Variants in TTC7B observed in about 807,000 individuals in gnomAD.
The protein encoded by TTC7B is tetratricopeptide repeat domain 7B.
A neutral mutation model predicts 106.8 loss-of-function variants in TTC7B; 28 were observed. The observed-to-expected ratio is 0.26, with a 90% CI of 0.19 to 0.36. The LOEUF (loss-of-function observed/expected upper bound fraction) is 0.36. TTC7B is among the 10% of genes least tolerant of loss of function. The pLI, the probability that TTC7B is intolerant of heterozygous loss-of-function variation, is 1.00. For missense variants in TTC7B, 862 were observed against 1,076.4 expected, an observed-to-expected ratio of 0.80 and a Z score of 2.79; for synonymous variants, 405 against 430.6, an observed-to-expected ratio of 0.94 and a Z score of 0.74.
In TTC7B at chr14:90,541,307, G is replaced by T; in HGVS notation, c.*61C>A. 1 of 1,459,732 alleles carries T rather than the reference G, an allele frequency of 6.9e-7. No homozygotes were observed. The highest frequency in any genetic ancestry group is 9.3e-7 in the Non-Finnish European group (1 of 1,076,928). The allele number at this position is 1,459,732 out of a possible 1,614,324, so 90.4% of individuals were successfully genotyped here. A position where few individuals can be genotyped will look rare whatever the true frequency, so the allele number is the denominator to read the frequency against. ...TCATCCCCTTGGGGCGATGGCACAAGCCCTGGTGCCCGGCAGGGCCTCTGA... is the reference window on the plus strand; with the variant it reads ...TCATCCCCTTGGGGCGATGGCACAATCCCTGGTGCCCGGCAGGGCCTCTGA... On this transcript the variant is annotated 3_prime_UTR_variant, in exon 20 of 20. Transcript: ENST00000328459.
intron 19 of TTC7B, among the ~76,000 whole-genome samples, chr14:90,542,271 T>C (rs974562291): frequency 1.1e-4 from 17 of 151,932 alleles, no homozygotes; most frequent in African/African-American, 1.9e-4. Context: ...AAAGAAACCA[T>C]TGGTGGAATT....
At chr14:90,788,249 C>T (rs1247348916) in intron 1 of TTC7B, among the ~76,000 whole-genome samples, 3 of 152,168 alleles carry the variant, frequency 2.0e-5, no homozygotes, top group East Asian at 1.9e-4. Context: ...CACTGGGGTA[C>T]AAAGTGCGAC....
At chr14:90,693,717 G>A (rs139867932) in intron 6 of TTC7B, among the ~76,000 whole-genome samples, 43 of 152,326 alleles carry the variant, frequency 2.8e-4, no homozygotes, top group Non-Finnish European at 6.2e-4. Context: ...AACAACTGTT[G>A]TTGAGGGTGT....
intron 9 of TTC7B, among the ~76,000 whole-genome samples, chr14:90,673,176 T>C (rs917303123): frequency 1.3e-5 from 2 of 152,176 alleles, no homozygotes; most frequent in Non-Finnish European, 2.9e-5. Flanking sequence ...CAATAAAATG[T>C]GCAAGATACT....
At chr14:90,565,893 A>C (rs1396081642) in intron 19 of TTC7B, among the ~76,000 whole-genome samples, 1 of 152,198 alleles carries the variant, frequency 6.6e-6, no homozygotes, top group African/African-American at 2.4e-5. Context: ...CACATTTATT[A>C]AGTTTGCTGT....
intron 3 of TTC7B, among the ~76,000 whole-genome samples, chr14:90,776,604 C>G (rs1030908879): frequency 6.6e-6 from 1 of 152,136 alleles, no homozygotes; most frequent in African/African-American, 2.4e-5. Flanking sequence ...AAAGGTGAGG[C>G]ATTAAGGTAG....
At position 90,624,953 on chromosome 14, in the gene TTC7B, G is replaced by A. The variant is rs994018373; in HGVS notation, c.1752-6908C>T. Among the ~76,000 whole-genome samples the A allele has an allele frequency of 2.0e-5, 3 of 152,222 alleles. No homozygotes were observed. The highest frequency in any genetic ancestry group is 4.4e-5 in the Non-Finnish European group (3 of 68,038). ...GCAAAATGGCTGTGCAGAAAAGCAT[G>A]CGGGATCTGCCCAAGCGGGGCAGCG... is the stretch of plus-strand genomic sequence containing the variant. On this transcript the variant is annotated intron_variant, in intron 15 of 19. Coordinates refer to ENST00000328459, the MANE Select transcript of TTC7B (RefSeq NM_001010854.2). The surrounding 1 kb of genome is among the most constrained non-coding windows in gnomAD (Gnocchi z 4.0).
Position 90,788,845 on chromosome 14 carries a change from C to A in TTC7B, c.122-2517G>T, listed in dbSNP as rs189099474. On this transcript the variant is annotated intron_variant, in intron 1 of 19. Coordinates refer to ENST00000328459, the MANE Select transcript of TTC7B (RefSeq NM_001010854.2). ...GTGCATGGTGGTGTGCACCTGTAAT[C>A]CCAGCTACTTGGCAGGCTGAGGCAG... Among the ~76,000 whole-genome samples the A allele has an allele frequency of 5.9e-5, 9 of 152,048 alleles. No individual in the cohort carries two copies. In the East Asian group the frequency reaches 1.8e-3, roughly 30 times the overall value.
chr14:90,634,543 G>A (rs1454507162), intron 15 of TTC7B, among the ~76,000 whole-genome samples: 8 of 152,078 alleles, frequency 5.3e-5, no homozygotes, highest in Admixed American at 1.3e-4. Flanking sequence ...AGGCTGTGGC[G>A]GGTGAATCAC....
intron 18 of TTC7B, among the ~76,000 whole-genome samples, chr14:90,582,290 T>C (rs964970660): frequency 2.0e-5 from 3 of 152,234 alleles, no homozygotes; most frequent in African/African-American, 4.8e-5. Flanking sequence ...CATGAGAACA[T>C]GGAGAACTTG....
At chr14:90,621,906 CAA>C (rs1318747667) in intron 15 of TTC7B, among the ~76,000 whole-genome samples, 2 of 152,126 alleles carry the variant, frequency 1.3e-5, no homozygotes, top group Admixed American at 1.3e-4. Context: ...AGTACACAAA[CAA>C]TGATCAGCAT....
intron 6 of TTC7B, 76 bp from the exon 7 acceptor site, chr14:90,689,788 A>G (rs1458581914): frequency 1.3e-6 from 2 of 1,508,502 alleles, no homozygotes; most frequent in East Asian, 2.3e-5. Context: ...GTCAATAAAT[A>G]TTTATATCAT....
In TTC7B at chr14:90,527,043, G is replaced by C. The variant is rs1405177739; in HGVS notation, c.*14325C>G. ...CTCTTGGTAGTTTTGAGGGGTATTGGTCAGGTATTTTGTAGAAAGTTCATC... is the reference window on the plus strand; with the variant it reads ...CTCTTGGTAGTTTTGAGGGGTATTGCTCAGGTATTTTGTAGAAAGTTCATC... On this transcript the variant is annotated 3_prime_UTR_variant, in exon 20 of 20. Coordinates refer to ENST00000328459, the MANE Select transcript of TTC7B (RefSeq NM_001010854.2). The C allele has an allele frequency of 6.6e-6, 1 of 152,010 alleles. No individual in the cohort carries two copies. The highest frequency in any genetic ancestry group is 2.4e-5 in the African/African-American group (1 of 41,356). 9.4% of individuals were successfully genotyped at this position (152,010 alleles called of 1,614,324 possible). A position where few individuals can be genotyped will look rare whatever the true frequency, so the allele number is the denominator to read the frequency against.
chr14:90,647,644 C>T (rs1885522488), intron 13 of TTC7B, among the ~76,000 whole-genome samples: 1 of 152,060 alleles, frequency 6.6e-6, no homozygotes, highest in Non-Finnish European at 1.5e-5. Context: ...AGACACTAGG[C>T]TCAGTTTTAA....
intron 9 of TTC7B, among the ~76,000 whole-genome samples, chr14:90,662,803 A>G (rs569420141): frequency 2.6e-5 from 4 of 152,230 alleles, no homozygotes; most frequent in Non-Finnish European, 4.4e-5. Flanking sequence ...TCCTTTTTAA[A>G]AATTTTAACA....
At position 90,530,943 on chromosome 14, in the gene TTC7B, A is replaced by C. The variant is rs1353119237; in HGVS notation, c.*10425T>G. ...TACTCATGTAACCACTGTGTTCCCC[A>C]ATAACCTATGAAAATAAAAAATTAA... On this transcript the variant is annotated 3_prime_UTR_variant, in exon 20 of 20. Coordinates refer to ENST00000328459, the MANE Select transcript of TTC7B (RefSeq NM_001010854.2). 1 of 152,214 alleles carries C rather than the reference A, an allele frequency of 6.6e-6. No individual in the cohort carries two copies. The highest frequency in any genetic ancestry group is 1.9e-4 in the East Asian group (1 of 5,202). The allele number at this position is 152,214 out of a possible 1,614,324, so 9.4% of individuals were successfully genotyped here.
chr14:90,722,467 C>T (rs968572575), intron 5 of TTC7B, among the ~76,000 whole-genome samples: 4 of 152,220 alleles, frequency 2.6e-5, no homozygotes, highest in African/African-American at 9.6e-5. Flanking sequence ...ATGGCTTCTC[C>T]ACACCTAGAG....
chr14:90,585,719 C>A (rs557503241), intron 18 of TTC7B: 2 of 152,580 alleles, frequency 1.3e-5, no homozygotes, highest in African/African-American at 4.8e-5. Context: ...GGGTTTCAGC[C>A]CCCTTCAAGC....
chr14:90,551,778 T>G (rs1027465067), intron 19 of TTC7B, among the ~76,000 whole-genome samples: 6 of 152,200 alleles, frequency 3.9e-5, no homozygotes, highest in Non-Finnish European at 7.3e-5. Context: ...CGGCCCTTTC[T>G]TCTCTGGCAA....
Sources: gnomAD v4.1 joint callset for allele counts (sites outside exome capture counted in the v4.1 genomes callset) on GRCh38, gnomAD v4.1.1 for gene constraint, Gnocchi (gnomAD v3.1) non-coding constraint, MANE v1.5 for transcripts, NCBI Gene and HGNC (gene_info 2026-07-23, HGNC 2026-07-21) for gene names.